Variants in CNBD2 observed in about 807,000 individuals in gnomAD.
CNBD2 encodes cyclic nucleotide binding domain containing 2.
In CNBD2, 64 loss-of-function variants were observed where a neutral mutation model predicts 63.7. The observed-to-expected ratio is 1.00, with a 90% CI of 0.82 to 1.24. The LOEUF is 1.24. CNBD2 is among the 50% of genes most tolerant of loss of function. The probability of loss-of-function intolerance (pLI) is 0.00; values close to 1 mark genes in which losing one functional copy is unlikely to be tolerated. For missense variants in CNBD2, 691 were observed against 713.5 expected, an observed-to-expected ratio of 0.97 and a Z score of 0.36; for synonymous variants, 229 against 255.4, an observed-to-expected ratio of 0.90 and a Z score of 0.99.
intron 2 of CNBD2, chr20:35,974,706 G>A (rs1272340756): frequency 6.6e-6 from 1 of 152,208 alleles, no homozygotes; most frequent in Non-Finnish European, 1.5e-5. Context: ...TTGTGGGGGC[G>A]AGACGGGTCT....
chr20:36,010,021 G>A (rs1380163479), intron 9 of CNBD2, among the ~76,000 whole-genome samples: 1 of 152,162 alleles, frequency 6.6e-6, no homozygotes, highest in Non-Finnish European at 1.5e-5. Flanking sequence ...TCAAACCTGA[G>A]CAGCTCAGTG....
At chr20:35,972,826 C>T in intron 2 of CNBD2, 60 bp downstream of exon 2, 1 of 1,532,368 alleles carries the variant, frequency 6.5e-7, no homozygotes, top group Non-Finnish European at 9.0e-7. Flanking sequence ...AATTGCATCC[C>T]ACTTCCTGGC....
upstream of CNBD2, among the ~76,000 whole-genome samples, chr20:35,968,143 C>G (rs2056362684): frequency 6.6e-6 from 1 of 152,196 alleles, no homozygotes; most frequent in African/African-American, 2.4e-5. Context: ...TTCCTACCCA[C>G]TTTCAATCAC....
At chr20:36,003,592 C>G in intron 8 of CNBD2, among the ~76,000 whole-genome samples, 1 of 152,056 alleles carries the variant, frequency 6.6e-6, no homozygotes, top group Admixed American at 6.6e-5. Context: ...TATTTCTGGT[C>G]CTGTTTGAGC....
chr20:35,959,786 A>T (rs1205348407), downstream of CNBD2, among the ~76,000 whole-genome samples: 1 of 152,218 alleles, frequency 6.6e-6, no homozygotes, highest in Non-Finnish European at 1.5e-5. Flanking sequence ...AGGTTCAGCC[A>T]ATCCATGGCA....
intron 8 of CNBD2, among the ~76,000 whole-genome samples, chr20:36,000,367 T>TTTTA (rs750038631): frequency 8.5e-5 from 13 of 152,262 alleles, no homozygotes; most frequent in Admixed American, 2.6e-4. Flanking sequence ...TCCGTTAACA[T>TTTTA]TTTATTTATT....
In CNBD2 at chr20:35,984,685, C is replaced by A; in HGVS notation, c.623C>A (p.Thr208Lys). The stretch of plus-strand genomic sequence containing the variant: ...TCCACCATCGTCTGTATGGAAGAAA[C>A]GGAGTTCCTGGTTGTTGACCGGGAG... ...RRSTIVCMEE[T>K]EFLVVDREDF... The change falls in exon 6 of 12, where the codon ACG (threonine) becomes AAG (lysine). Residue 208 changes from threonine (T) to lysine (K), a missense_variant. Coordinates refer to ENST00000373973, the MANE Select transcript of CNBD2 (RefSeq NM_001365709.1). 1 of 1,614,158 alleles carries A rather than the reference C, an allele frequency of 6.2e-7. No individual in the cohort carries two copies.
intron 2 of CNBD2, among the ~76,000 whole-genome samples, chr20:35,963,448 C>A (rs909840455): frequency 3.9e-5 from 6 of 151,914 alleles, no homozygotes; most frequent in Non-Finnish European, 8.8e-5. Flanking sequence ...CGAGACCAGC[C>A]TGGCCAACAT....
At chr20:35,954,731 C>G (rs1438011172) in exon 1 of CNBD2, 1 of 839,620 alleles carries the variant, frequency 1.2e-6, no homozygotes, top group African/African-American at 1.8e-5. Flanking sequence ...CGGACCTTAT[C>G]CGTGCGCCGC....
At chr20:35,997,847 A>G (rs552336718) in intron 8 of CNBD2, among the ~76,000 whole-genome samples, 15 of 152,170 alleles carry the variant, frequency 9.9e-5, no homozygotes, top group Middle Eastern at 3.4e-3. Flanking sequence ...TCCACTGTCA[A>G]TCCACCAGAG....
intron 10 of CNBD2, among the ~76,000 whole-genome samples, chr20:36,020,544 A>G (rs2057193762): frequency 6.6e-6 from 1 of 152,190 alleles, no homozygotes; most frequent in Admixed American, 6.5e-5. Flanking sequence ...TGTTGGTGCT[A>G]TTATTACCAT....
chr20:35,963,377 A>T (rs2056322424), intron 2 of CNBD2, among the ~76,000 whole-genome samples: 2 of 151,334 alleles, frequency 1.3e-5, no homozygotes, highest in Non-Finnish European at 2.9e-5. Flanking sequence ...AAAATCAGAA[A>T]ATTAGTCTAC....
chr20:36,014,736 A>G (rs1219182725), intron 10 of CNBD2, among the ~76,000 whole-genome samples: 3 of 151,764 alleles, frequency 2.0e-5, no homozygotes, highest in Non-Finnish European at 2.9e-5. Flanking sequence ...GGCCCAACCA[A>G]TCCTCTCACC....
At chr20:35,975,508 G>A (rs1393039350) in intron 2 of CNBD2, among the ~76,000 whole-genome samples, 1 of 147,216 alleles carries the variant, frequency 6.8e-6, no homozygotes, top group Non-Finnish European at 1.5e-5. Flanking sequence ...CACCTTGTTA[G>A]CCAGGATGGT....
chr20:35,969,939 A>G (rs1456499464), intron 1 of CNBD2, among the ~76,000 whole-genome samples: 3 of 152,240 alleles, frequency 2.0e-5, no homozygotes, highest in African/African-American at 7.2e-5. Flanking sequence ...AGTGCAAAAT[A>G]GTATCATGTT....
chr20:36,025,407 T>G (rs146067721), intron 11 of CNBD2, among the ~76,000 whole-genome samples: 218 of 152,254 alleles, frequency 1.4e-3, no homozygotes, highest in Non-Finnish European at 2.8e-3. Context: ...CAATCATGGC[T>G]CACTGTAGCC....
At chr20:36,006,091 C>T (rs531848805) in intron 8 of CNBD2, among the ~76,000 whole-genome samples, 31 of 146,494 alleles carry the variant, frequency 2.1e-4, no homozygotes, top group African/African-American at 7.3e-4. Flanking sequence ...TGCAGTGGCA[C>T]GATCTTGGCT....
At chr20:35,954,773 G>GC (rs2056234417) in intron 1 of CNBD2, 1 of 474,394 alleles carries the variant, frequency 2.1e-6, no homozygotes, top group East Asian at 7.8e-5. Context: ...GCGTGCGGGC[G>GC]CCCCTTCTGA....
intron 4 of CNBD2, among the ~76,000 whole-genome samples, chr20:35,981,416 T>C (rs903963288): frequency 6.6e-6 from 1 of 152,048 alleles, no homozygotes. Context: ...ACCTGGGCCA[T>C]CTCCTCTTTC....
Sources: allele counts gnomAD v4.1 joint callset (sites outside exome capture counted in the v4.1 genomes callset), GRCh38; gene constraint gnomAD v4.1.1; transcripts MANE v1.5; gene names NCBI Gene and HGNC (gene_info 2026-07-23, HGNC 2026-07-21).